The following ERG variants were observed in gnomAD, a reference collection of about 807,000 sequenced individuals.
ERG encodes transcriptional regulator ERG.
Under a neutral mutation model 55.3 loss-of-function variants are expected in ERG, and 9 were observed. The ratio of observed to expected loss-of-function variants is 0.16; its 90% CI spans 0.10 to 0.28. The LOEUF (loss-of-function observed/expected upper bound fraction) is 0.28. Ranked by LOEUF, ERG falls within the 10% of genes least tolerant of loss-of-function variation. The pLI, the probability that ERG is intolerant of heterozygous loss-of-function variation, is 1.00. For missense variants in ERG, 434 were observed against 631.6 expected, an observed-to-expected ratio of 0.69 and a Z score of 3.35; for synonymous variants, 223 against 237.3, an observed-to-expected ratio of 0.94 and a Z score of 0.55.
chr21:38,573,492 T>C (rs1482980970), intron 2 of ERG, among the ~76,000 whole-genome samples: 2 of 152,244 alleles, frequency 1.3e-5, no homozygotes, highest in African/African-American at 2.4e-5. Flanking sequence ...TTTACAGCAA[T>C]GCTGCTTTGT....
In ERG at chr21:38,383,866, T is replaced by C; in HGVS notation, c.977A>G (p.Asn326Ser). Residue 326 changes from asparagine (N) to serine (S), a missense_variant, in exon 10 of 10, where the codon AAC becomes AGC. This residue lies in a region of ERG where 99 missense variants were observed against 145.6 expected (regional missense o/e 0.68). Coordinates refer to ENST00000288319, the MANE Select transcript of ERG (RefSeq NM_182918.4). The surrounding 1 kb of genome is among the most constrained non-coding windows in gnomAD (Gnocchi z 5.7). ...FLLELLSDSSNSSCITWEGTN... is the reference protein window; with the variant it reads ...FLLELLSDSSSSSCITWEGTN... Reference sequence around the variant, plus strand: ...GCCTTCCCAGGTGATGCAGCTGGAGTTGGAGCTGTCCGACAGGAGCTCCAG... The same window carrying C: ...GCCTTCCCAGGTGATGCAGCTGGAGCTGGAGCTGTCCGACAGGAGCTCCAG... 6.2e-7 allele frequency: 1 copy of C among 1,613,978 alleles called. No individual in the cohort carries two copies. The highest frequency in any genetic ancestry group is 8.5e-7 in the Non-Finnish European group (1 of 1,179,988).
intron 2 of ERG, among the ~76,000 whole-genome samples, chr21:38,527,123 T>A (rs2059635509): frequency 6.6e-6 from 1 of 152,200 alleles, no homozygotes; most frequent in Non-Finnish European, 1.5e-5. Flanking sequence ...CTCTGACCTC[T>A]CTAAAACAAT....
Position 38,392,426 on chromosome 21 carries a change from G to T in ERG, c.764C>A (p.Pro255His). 6.4e-7 allele frequency: 1 copy of T among 1,553,978 alleles called. No homozygotes were observed. Among genetic ancestry groups the T allele is most frequent in the Non-Finnish European group, 8.7e-7 (1 of 1,148,590 alleles). Residue 255 changes from proline to histidine, a missense_variant, in exon 7 of 10, where the codon CCC (proline) becomes CAC (histidine). Around this residue, in one of 5 missense-constraint regions of ERG, gnomAD observed 99 missense variants for 145.6 expected, o/e 0.68. Transcript: ENST00000288319. ...TTRPDLPYEP[P>H]RRSAWTGHGH... ...GTGACCGGTCCAGGCTGATCTCCTGGGGGGCTCATATGGTAAATCTGTAAA... is the reference window on the plus strand; with the variant it reads ...GTGACCGGTCCAGGCTGATCTCCTGTGGGGCTCATATGGTAAATCTGTAAA...
At chr21:38,657,546 C>A (rs1431631630) in intron 1 of ERG, among the ~76,000 whole-genome samples, 2 of 152,134 alleles carry the variant, frequency 1.3e-5, no homozygotes, top group African/African-American at 4.8e-5. Context: ...ATTCAAGCCT[C>A]TTTCTAATAT....
rs1055362072 is a variant in ERG at position 38,381,194 on chromosome 21, C to A, written c.*2209G>T. On this transcript the variant is annotated 3_prime_UTR_variant, in exon 10 of 10. Coordinates refer to ENST00000288319, the MANE Select transcript of ERG (RefSeq NM_182918.4). ...GTTTGGCAACTTCACATAATCATAG[C>A]AAAAGGACTGCAACGTGAAAAAAAC... The A allele has an allele frequency of 6.6e-6, 7 of 1,064,924 alleles. No homozygotes were observed. The highest frequency in any genetic ancestry group is 4.1e-4 in the Middle Eastern group (1 of 2,422). The allele number at this position is 1,064,924 out of a possible 1,614,324, so 66.0% of individuals were successfully genotyped here.
At chr21:38,390,610 C>T (rs1241804787) in intron 9 of ERG, among the ~76,000 whole-genome samples, 1 of 152,156 alleles carries the variant, frequency 6.6e-6, no homozygotes, top group African/African-American at 2.4e-5. Flanking sequence ...ATCTGTAAGC[C>T]AGGGAGAGCC....
chr21:38,529,741 G>T (rs966660662), intron 2 of ERG, among the ~76,000 whole-genome samples: 3 of 152,196 alleles, frequency 2.0e-5, no homozygotes, highest in East Asian at 2.0e-4. Context: ...GAGGCAGGCC[G>T]ATCACCTGAG....
intron 2 of ERG, among the ~76,000 whole-genome samples, chr21:38,441,019 T>A (rs1216405205): frequency 1.3e-5 from 2 of 152,156 alleles, no homozygotes; most frequent in Non-Finnish European, 1.5e-5. Flanking sequence ...TTCTTTCAGA[T>A]CACTGAGCTT....
chr21:38,578,051 T>C (rs1246659780), intron 1 of ERG, among the ~76,000 whole-genome samples: 5 of 152,180 alleles, frequency 3.3e-5, no homozygotes, highest in Non-Finnish European at 5.9e-5. Context: ...GCACAGCACA[T>C]GGCAGAGGAC....
upstream of ERG, among the ~76,000 whole-genome samples, chr21:38,589,250 G>A: frequency 6.6e-6 from 1 of 152,202 alleles, no homozygotes; most frequent in East Asian, 1.9e-4. Flanking sequence ...AGCCTGGGGA[G>A]AAGGCTCCAC....
chr21:38,448,876 G>A lies in ERG; in HGVS notation c.19-3255C>T, dbSNP rs1463894080. 2.0e-5 allele frequency: 3 copies of A among 152,286 alleles called. No homozygotes were observed. The East Asian group carries it at 5.8e-4, about 29-fold the overall frequency. 9.4% of individuals were successfully genotyped at this position (152,286 alleles called of 1,614,324 possible). On this transcript the variant is annotated intron_variant, in intron 1 of 9. Transcript: ENST00000288319. The stretch of plus-strand genomic sequence containing the variant: ...GTAGGATTAAAACCAGAAAAAGAGT[G>A]CTGAACACAGGCTGCTAATCAGGAC...
At chr21:38,446,194 C>A in intron 1 of ERG, among the ~76,000 whole-genome samples, 1 of 118,442 alleles carries the variant, frequency 8.4e-6, no homozygotes, top group Non-Finnish European at 1.6e-5. Context: ...GTGGTGCTTC[C>A]ATGATGGTGA....
At chr21:38,390,439 T>G (rs1320794168) in intron 9 of ERG, among the ~76,000 whole-genome samples, 1 of 152,188 alleles carries the variant, frequency 6.6e-6, no homozygotes. Flanking sequence ...ATGTGACCTT[T>G]TTTGGAGATA....
intron 1 of ERG, among the ~76,000 whole-genome samples, chr21:38,656,474 C>T (rs565655631): frequency 3.8e-4 from 58 of 152,310 alleles, no homozygotes; most frequent in African/African-American, 1.3e-3. Flanking sequence ...CAGCTTCTGA[C>T]GGTGCACAAG....
chr21:38,376,284 G>A (rs1227798164), downstream of ERG, among the ~76,000 whole-genome samples: 1 of 152,164 alleles, frequency 6.6e-6, no homozygotes, highest in African/African-American at 2.4e-5. Context: ...GAGAACTGTG[G>A]AATTGTCGGA....
chr21:38,574,416 C>G (rs915609956), intron 2 of ERG, among the ~76,000 whole-genome samples: 10 of 152,158 alleles, frequency 6.6e-5, no homozygotes, highest in Non-Finnish European at 8.8e-5. Flanking sequence ...TCCTCTATGG[C>G]CTTGGGCAAA....
At chr21:38,651,071 T>A (rs557152509) in intron 1 of ERG, among the ~76,000 whole-genome samples, 2 of 152,264 alleles carry the variant, frequency 1.3e-5, no homozygotes, top group Non-Finnish European at 2.9e-5. Context: ...CGCAGCATGA[T>A]TCCGGCAAAA....
intron 6 of ERG, among the ~76,000 whole-genome samples, chr21:38,399,410 G>T (rs558852693): frequency 6.6e-6 from 1 of 152,272 alleles, no homozygotes; most frequent in East Asian, 1.9e-4. Context: ...GCCAAGCCTA[G>T]ATCTTGAACC....
chr21:38,517,894 A>G (rs756074441), intron 2 of ERG, among the ~76,000 whole-genome samples: 12 of 152,152 alleles, frequency 7.9e-5, no homozygotes, highest in Non-Finnish European at 1.6e-4. Context: ...CCTATGTGGG[A>G]GCTAAAAATG....
Sources: allele counts gnomAD v4.1 joint callset (sites outside exome capture counted in the v4.1 genomes callset), GRCh38; gene constraint gnomAD v4.1.1; regional missense constraint gnomAD v4.1.1; non-coding constraint Gnocchi (gnomAD v3.1); transcripts MANE v1.5; gene names NCBI Gene and HGNC (gene_info 2026-07-23, HGNC 2026-07-21).